CDH13: variants seen among roughly 807,000 people sequenced by gnomAD.
The protein encoded by CDH13 is cadherin 13.
In CDH13, 24 loss-of-function variants were observed where a neutral mutation model predicts 63.8. The ratio of observed to expected loss-of-function variants is 0.38; its 90% CI spans 0.27 to 0.53. CDH13 has a LOEUF of 0.53. Among genes scored for constraint, CDH13 ranks in the 20% least tolerant of loss-of-function variants. CDH13 has a pLI of 0.85. For missense variants in CDH13, 1,049 were observed against 903.1 expected, an observed-to-expected ratio of 1.16 and a Z score of -2.07; for synonymous variants, 503 against 355.3, an observed-to-expected ratio of 1.42 and a Z score of -4.67.
At chr16:83,500,092 T>G (rs181135537) in intron 7 of CDH13, among the ~76,000 whole-genome samples, 162 of 151,758 alleles carry the variant, frequency 1.1e-3, no homozygotes, top group African/African-American at 3.7e-3. Context: ...TGTGAGCCAC[T>G]GCACCCGGCC....
chr16:83,221,735 G>A (rs978814808), intron 5 of CDH13, among the ~76,000 whole-genome samples: 4 of 152,088 alleles, frequency 2.6e-5, no homozygotes, highest in African/African-American at 9.7e-5. Flanking sequence ...ATGGTAGCAG[G>A]CAGGTGTCCT....
At chr16:83,511,886 A>G (rs1200434442) in intron 7 of CDH13, among the ~76,000 whole-genome samples, 2 of 152,202 alleles carry the variant, frequency 1.3e-5, no homozygotes, top group Non-Finnish European at 1.5e-5. Flanking sequence ...AGGCCTGGGC[A>G]TGTTATTTAA....
At chr16:83,030,055 G>C (rs931723440) in intron 2 of CDH13, among the ~76,000 whole-genome samples, 4 of 152,100 alleles carry the variant, frequency 2.6e-5, no homozygotes, top group African/African-American at 9.7e-5. Context: ...ACCATTGAGG[G>C]GAGCATGATC....
intron 6 of CDH13, among the ~76,000 whole-genome samples, chr16:83,458,930 ATAT>A (rs1394878171): frequency 6.6e-6 from 1 of 152,266 alleles, no homozygotes; most frequent in African/African-American, 2.4e-5. Context: ...AGAGAAGGGT[ATAT>A]TATTATGCAA....
intron 1 of CDH13, among the ~76,000 whole-genome samples, chr16:82,803,190 A>T (rs1271413260): frequency 6.6e-6 from 1 of 152,208 alleles, no homozygotes; most frequent in Non-Finnish European, 1.5e-5. Flanking sequence ...CAGCTTACCT[A>T]CCATGTCTTT....
At chr16:82,663,865 G>A (rs116078302) in intron 1 of CDH13, among the ~76,000 whole-genome samples, 1,904 of 152,226 alleles carry the variant, frequency 0.013, 31 homozygotes, top group African/African-American at 0.039. Flanking sequence ...TGAATATAGC[G>A]TGGGCTTTCT....
At chr16:82,720,533 C>G (rs572974726) in intron 1 of CDH13, among the ~76,000 whole-genome samples, 7 of 152,086 alleles carry the variant, frequency 4.6e-5, no homozygotes, top group Non-Finnish European at 1.0e-4. Context: ...CTCACTCATA[C>G]TGGGGCAATT....
intron 9 of CDH13, among the ~76,000 whole-genome samples, chr16:83,674,959 T>C (rs1598454741): frequency 6.6e-6 from 1 of 152,326 alleles, no homozygotes; most frequent in East Asian, 1.9e-4. Context: ...TTCATTCAGT[T>C]CTGGATCCTC....
At chr16:82,865,451 G>T (rs568829628) in intron 2 of CDH13, among the ~76,000 whole-genome samples, 6 of 152,194 alleles carry the variant, frequency 3.9e-5, no homozygotes, top group African/African-American at 1.4e-4. Context: ...CTTGACTTCC[G>T]TGCACCTGCA....
intron 6 of CDH13, among the ~76,000 whole-genome samples, chr16:83,379,573 T>G (rs1443197868): frequency 3.3e-5 from 5 of 152,192 alleles, no homozygotes; most frequent in Admixed American, 1.3e-4. Context: ...TATGCACAAC[T>G]TGATCATGAG....
chr16:83,143,134 G>A (rs187663939), intron 4 of CDH13, among the ~76,000 whole-genome samples: 4 of 152,286 alleles, frequency 2.6e-5, no homozygotes, highest in African/African-American at 4.8e-5. Flanking sequence ...AGGGCAGGCT[G>A]TCTTGGACAC....
intron 2 of CDH13, among the ~76,000 whole-genome samples, chr16:83,031,369 T>C (rs1470363209): frequency 1.4e-5 from 1 of 71,634 alleles, no homozygotes; most frequent in Non-Finnish European, 2.7e-5. Context: ...CATGTACATG[T>C]ATATGTATAC....
At chr16:83,263,345 G>A (rs1351005759) in intron 5 of CDH13, among the ~76,000 whole-genome samples, 5 of 152,136 alleles carry the variant, frequency 3.3e-5, no homozygotes, top group East Asian at 1.9e-4. Flanking sequence ...ATATAACAGC[G>A]ATGTTTTGTT....
At chr16:82,829,653 G>C (rs2038434065) in intron 1 of CDH13, 1 of 152,034 alleles carries the variant, frequency 6.6e-6, no homozygotes, top group African/African-American at 2.4e-5. Context: ...GCTGTATTCG[G>C]TTTGTTTTAC....
At chr16:83,341,961 A>G (rs1597791172) in intron 5 of CDH13, among the ~76,000 whole-genome samples, 1 of 147,060 alleles carries the variant, frequency 6.8e-6, no homozygotes, top group African/African-American at 2.5e-5. Context: ...GGTTTTCTCC[A>G]CCATTTATTT....
chr16:83,372,645 G>T (rs370910071), intron 6 of CDH13, among the ~76,000 whole-genome samples: 6 of 151,678 alleles, frequency 4.0e-5, no homozygotes, highest in Middle Eastern at 3.4e-3. Flanking sequence ...CCAGCTACTC[G>T]GGAGGCTGAA....
intron 2 of CDH13, among the ~76,000 whole-genome samples, chr16:82,913,782 G>A (rs1026643339): frequency 6.6e-6 from 1 of 151,994 alleles, no homozygotes; most frequent in African/African-American, 2.4e-5. Flanking sequence ...TGAAGGGGGT[G>A]CAGGTAGAGG....
chr16:82,905,144 G>T (rs191123663), intron 2 of CDH13, among the ~76,000 whole-genome samples: 12 of 152,304 alleles, frequency 7.9e-5, no homozygotes, highest in African/African-American at 2.9e-4. Flanking sequence ...AGCCACGGCT[G>T]CTGACAGCAG....
chr16:82,799,750 G>A (rs193193891), intron 1 of CDH13, among the ~76,000 whole-genome samples: 4 of 152,268 alleles, frequency 2.6e-5, no homozygotes, highest in Admixed American at 2.6e-4. Context: ...GTGCTTTTGG[G>A]AAAAGTGCCA....
Sources: gnomAD v4.1 joint callset for allele counts (sites outside exome capture counted in the v4.1 genomes callset) on GRCh38, gnomAD v4.1.1 for gene constraint, MANE v1.5 for transcripts, NCBI Gene and HGNC (gene_info 2026-07-23, HGNC 2026-07-21) for gene names.